RPS26: variants seen among roughly 807,000 people sequenced by gnomAD.
The protein encoded by RPS26 is ribosomal protein S26.
RPS26 carries 1 observed loss-of-function variant against 14.7 expected under a neutral mutation model. The ratio of observed to expected loss-of-function variants is 0.07; its 90% confidence interval spans 0.02 to 0.32. The LOEUF (loss-of-function observed/expected upper bound fraction) is 0.32, where lower values mean the gene tolerates loss of function less well. RPS26 is among the 10% of genes least tolerant of loss of function. RPS26 has a pLI of 1.00. For synonymous variants in RPS26, 59 were observed against 53.1 expected (o/e 1.11, Z -0.48); for missense variants, 63 against 157.7 (o/e 0.40, Z 3.22).
At chr12:56,042,235 A>T in intron 1 of RPS26, 66 bp downstream of exon 1, 1 of 1,598,468 alleles carries the variant, frequency 6.3e-7, no homozygotes, top group Non-Finnish European at 8.6e-7. Context: ...GGGAAGTGAG[A>T]GCCTGGAGCA....
At position 56,044,663 on chromosome 12, in the gene RPS26, T is replaced by C. The variant is rs1488781612; in HGVS notation, c.*509T>C. On this transcript the variant is annotated 3_prime_UTR_variant, in exon 4 of 4. Coordinates refer to ENST00000646449, the MANE Select transcript of RPS26 (RefSeq NM_001029.5). Reference sequence around the variant, plus strand: ...CTAGCTATTTATGTAAATTAAACTTTAATTGTGGTCGTATGGTTGGCCTCA... The same window carrying C: ...CTAGCTATTTATGTAAATTAAACTTCAATTGTGGTCGTATGGTTGGCCTCA... 1 of 156,512 alleles carries C rather than the reference T, an allele frequency of 6.4e-6. No homozygotes were observed. Among genetic ancestry groups the C allele is most frequent in the African/African-American group, 2.4e-5 (1 of 41,454 alleles). The allele number at this position is 156,512 out of a possible 1,614,324, so 9.7% of individuals were successfully genotyped here. A position where few individuals can be genotyped will look rare whatever the true frequency, so the allele number is the denominator to read the frequency against.
Position 56,044,345 on chromosome 12 carries a change from CTTTTTTTT to C in RPS26, c.*204_*211del, listed in dbSNP as rs1191650736. 43 of 266,880 alleles carry C rather than the reference CTTTTTTTT, an allele frequency of 1.6e-4. No homozygotes were observed. The highest frequency in any genetic ancestry group is 1.2e-3 in the South Asian group (27 of 22,450). 16.5% of individuals were successfully genotyped at this position (266,880 alleles called of 1,614,324 possible). A position where few individuals can be genotyped will look rare whatever the true frequency, so the allele number is the denominator to read the frequency against. On this transcript the variant is annotated 3_prime_UTR_variant, in exon 4 of 4. Coordinates refer to ENST00000646449, the MANE Select transcript of RPS26 (RefSeq NM_001029.5). Reference sequence around the variant, plus strand: ...CTTATTCATGTAATTTAATTTTTTTCTTTTTTTTTTTTTTTTTTTTGAGACGGAGTCTT... The same window carrying C: ...CTTATTCATGTAATTTAATTTTTTTCTTTTTTTTTTTTGAGACGGAGTCTT...
At chr12:56,044,043 G>C in intron 3 of RPS26, 76 bp from the exon 4 acceptor site, 1 of 1,226,616 alleles carries the variant, frequency 8.2e-7, no homozygotes, top group African/African-American at 1.5e-5. Flanking sequence ...TGAGAGGATG[G>C]TGGTCAAGTT....
At chr12:56,042,208 C>G in intron 1 of RPS26, 39 bp downstream of exon 1, 1 of 1,613,280 alleles carries the variant, frequency 6.2e-7, no homozygotes, top group Non-Finnish European at 8.5e-7. Flanking sequence ...GGTTCGGGTG[C>G]AGACTCTGGG....
Position 56,042,159 on chromosome 12 carries a change from C to T in RPS26, c.-8C>T, listed in dbSNP as rs1341602533. On this transcript the variant is annotated 5_prime_UTR_variant, in exon 1 of 4. Transcript: ENST00000646449. ...CACCGTCTCCTCTCTCCGGTCCGTGCCTCCAAGATGGTGAGTCTTCTTGCG... is the reference window on the plus strand; with the variant it reads ...CACCGTCTCCTCTCTCCGGTCCGTGTCTCCAAGATGGTGAGTCTTCTTGCG... 6.2e-7 allele frequency: 1 copy of T among 1,614,092 alleles called. No individual in the cohort carries two copies.
chr12:56,042,815 C>T, intron 2 of RPS26: 2 of 617,488 alleles, frequency 3.2e-6, no homozygotes, highest in Middle Eastern at 4.3e-4. Context: ...AGCCTTTACT[C>T]TGAGGTAAAG....
At chr12:56,043,240 C>G (rs918898576) in intron 2 of RPS26, 123 bp from the exon 3 acceptor site, 22 of 957,720 alleles carry the variant, frequency 2.3e-5, no homozygotes, top group Non-Finnish European at 3.5e-5. Context: ...TTTTATGTGC[C>G]CGACAGGCAT....
chr12:56,043,400 C>T lies in RPS26; in HGVS notation c.219C>T (p.Tyr73=), dbSNP rs150229551. 1.2e-6 allele frequency: 2 copies of T among 1,611,584 alleles called. No individual in the cohort carries two copies. Among genetic ancestry groups the T allele is most frequent in the African/African-American group, 1.3e-5 (1 of 74,824 alleles). Residue 73 remains tyrosine (Y), a synonymous_variant, in exon 3 of 4, where the codon TAC becomes TAT. Transcript: ENST00000646449. ...CCAAGCTGTATGTGAAGCTACATTA[C>T]TGTGTGAGTTGTGCAATTCACAGCA... is the stretch of plus-strand genomic sequence containing the variant. The part of the protein sequence containing the change: ...VLPKLYVKLH[Y]CVSCAIHSKV...
At position 56,044,097 on chromosome 12, in the gene RPS26, CTT is replaced by C. The variant is rs770051961; in HGVS notation, c.313-19_313-18del. The C allele has an allele frequency of 5.0e-6, 8 of 1,611,452 alleles. No individual in the cohort carries two copies. In the South Asian group the frequency reaches 5.5e-5, roughly 11 times the overall value. On this transcript the variant is annotated intron_variant, in intron 3 of 3. Coordinates refer to ENST00000646449, the MANE Select transcript of RPS26 (RefSeq NM_001029.5). The stretch of plus-strand genomic sequence containing the variant: ...TTGGATCCATGGGTTTTAATTTACT[CTT>C]TTGTTTCTTTGTCTTTCAGGGTGCT...
intron 2 of RPS26, chr12:56,042,964 G>A (rs564899611): frequency 8.5e-5 from 35 of 413,518 alleles, no homozygotes; most frequent in African/African-American, 6.1e-4. Context: ...AATGGAGGCC[G>A]TCTAGTTTGG....
At chr12:56,043,529 G>A (rs972227161) in intron 3 of RPS26, 36 bp downstream of exon 3, 16 of 1,612,516 alleles carry the variant, frequency 9.9e-6, no homozygotes, top group African/African-American at 1.3e-5. Context: ...AGCCAGGGGA[G>A]TGATGGTTAA....
intron 2 of RPS26, chr12:56,042,984 A>T: frequency 2.4e-6 from 1 of 409,192 alleles, no homozygotes; most frequent in East Asian, 5.8e-5. Flanking sequence ...GTGTGCAAGG[A>T]TGATGTTTGG....
Position 56,042,004 on chromosome 12 carries a change from A to G in RPS26, c.-163A>G, listed in dbSNP as rs1895889622. On this transcript the variant is annotated 5_prime_UTR_variant, in exon 1 of 4. Coordinates refer to ENST00000646449, the MANE Select transcript of RPS26 (RefSeq NM_001029.5). ...CACTAGGAACGCATTTCCACCCTAG[A>G]TTTCAGCAGAAATGCTGAATGTAAA... The G allele has an allele frequency of 1.3e-6, 1 of 763,346 alleles. No homozygotes were observed. Among genetic ancestry groups the G allele is most frequent in the East Asian group, 2.7e-5 (1 of 37,550 alleles). 47.3% of individuals were successfully genotyped at this position (763,346 alleles called of 1,614,324 possible).
Position 56,044,121 on chromosome 12 carries a change from T to A in RPS26, c.315T>A (p.Gly105=), listed in dbSNP as rs554297156. Residue 105 remains glycine, a splice_region_variant and synonymous_variant, in exon 4 of 4, where the codon GGT becomes GGA. Transcript: ENST00000646449. ...TCTTTTGTTTCTTTGTCTTTCAGGGTGCTGCCCCACGTCCCCCACCAAAGC... is the reference window on the plus strand; with the variant it reads ...TCTTTTGTTTCTTTGTCTTTCAGGGAGCTGCCCCACGTCCCCCACCAAAGC... ...RTPPPRFRPA[G]AAPRPPPKPM 33 of 1,613,378 alleles carry A rather than the reference T, an allele frequency of 2.0e-5. No homozygotes were observed. Among genetic ancestry groups the A allele is most frequent in the Non-Finnish European group, 2.7e-5 (32 of 1,179,504 alleles).
chr12:56,043,597 C>T (rs1214101597), intron 3 of RPS26, 104 bp downstream of exon 3: 1 of 1,185,914 alleles, frequency 8.4e-7, no homozygotes, highest in African/African-American at 1.5e-5. Context: ...CTTTGGGAGG[C>T]TGGGACAAGA....
rs532151218 is a variant in RPS26 at position 56,043,616 on chromosome 12, A to G, written c.312+123A>G. ...GGGAGGCTGGGACAAGAAGATTGCT[A>G]GAAACCAGCAGTTCAAGACCCCATC... On this transcript the variant is annotated intron_variant, in intron 3 of 3. Coordinates refer to ENST00000646449, the MANE Select transcript of RPS26 (RefSeq NM_001029.5). 1.8e-4 allele frequency: 176 copies of G among 951,742 alleles called. 2 individuals carry two copies. In the African/African-American group the frequency reaches 2.3e-3, roughly 12 times the overall value. 59.0% of individuals were successfully genotyped at this position (951,742 alleles called of 1,614,324 possible).
At chr12:56,043,228 G>A (rs1895913869) in intron 2 of RPS26, 135 bp from the exon 3 acceptor site, 2 of 805,434 alleles carry the variant, frequency 2.5e-6, no homozygotes, top group Non-Finnish European at 4.2e-6. Context: ...CTTTGGGGGT[G>A]CTTTTATGTG....
Position 56,044,245 on chromosome 12 carries a change from G to C in RPS26, c.*91G>C, listed in dbSNP as rs541014434. 35 of 1,018,346 alleles carry C rather than the reference G, an allele frequency of 3.4e-5. No homozygotes were observed. In the African/African-American group the frequency reaches 4.3e-4, roughly 12 times the overall value. 63.1% of individuals were successfully genotyped at this position (1,018,346 alleles called of 1,614,324 possible). A position where few individuals can be genotyped will look rare whatever the true frequency, so the allele number is the denominator to read the frequency against. ...TTAATATTGCATGTTAAGTGTATCT[G>C]TGCCAGATAAGGTGGGGATTTTGTG... On this transcript the variant is annotated 3_prime_UTR_variant, in exon 4 of 4. Coordinates refer to ENST00000646449, the MANE Select transcript of RPS26 (RefSeq NM_001029.5).
At position 56,044,532 on chromosome 12, in the gene RPS26, T is replaced by TG; in HGVS notation, c.*382dup. The TG allele has an allele frequency of 8.2e-6, 2 of 243,468 alleles. No homozygotes were observed. The highest frequency in any genetic ancestry group is 1.6e-5 in the Non-Finnish European group (2 of 124,340). The allele number at this position is 243,468 out of a possible 1,614,324, so 15.1% of individuals were successfully genotyped here. On this transcript the variant is annotated 3_prime_UTR_variant, in exon 4 of 4. Coordinates refer to ENST00000646449, the MANE Select transcript of RPS26 (RefSeq NM_001029.5). ...TTAATTTTTGTATTTTTGGTAGAGA[T>TG]GGGGTTTCACTATGTTGTCCAGGCT... is the stretch of plus-strand genomic sequence containing the variant.
Sources: gnomAD v4.1 joint callset for allele counts on GRCh38, gnomAD v4.1.1 for gene constraint, MANE v1.5 for transcripts, NCBI Gene and HGNC (gene_info 2026-07-23, HGNC 2026-07-21) for gene names.